Variants in PSMD2 observed in about 807,000 individuals in gnomAD.
PSMD2 encodes the protein proteasome 26S subunit ubiquitin receptor, non-ATPase 2.
PSMD2 carries 8 observed loss-of-function variants against 101.5 expected under a neutral mutation model. The ratio of observed to expected loss-of-function variants is 0.08; its 90% CI spans 0.05 to 0.14. The LOEUF (loss-of-function observed/expected upper bound fraction) is 0.14, where lower values mean the gene tolerates loss of function less well. PSMD2 is among the 10% of genes least tolerant of loss of function. The probability of loss-of-function intolerance (pLI) is 1.00; values close to 1 mark genes in which losing one functional copy is unlikely to be tolerated. For synonymous variants in PSMD2, 418 were observed against 433.8 expected (o/e 0.96, Z 0.45); for missense variants, 784 against 1,147.4 (o/e 0.68, Z 4.58).
At chr3:184,303,527 G>T in intron 9 of PSMD2, 61 bp downstream of exon 9, 1 of 1,606,040 alleles carries the variant, frequency 6.2e-7, no homozygotes, top group South Asian at 1.1e-5. Context: ...TGTCCTCTTG[G>T]AGTCATAAGT....
intron 9 of PSMD2, 48 bp from the exon 10 acceptor site, chr3:184,303,595 C>T (rs1577157709): frequency 3.1e-6 from 5 of 1,611,548 alleles, no homozygotes; most frequent in Non-Finnish European, 4.2e-6. Context: ...ATAACAGGAT[C>T]CTCAGGATAG....
intron 10 of PSMD2, 82 bp downstream of exon 10, chr3:184,303,831 G>A (rs1454684997): frequency 3.1e-6 from 5 of 1,600,872 alleles, no homozygotes; most frequent in South Asian, 1.1e-5. Flanking sequence ...TCACTGATGA[G>A]GTCTGCCCAG....
At chr3:184,302,896 C>G in intron 7 of PSMD2, 73 bp downstream of exon 7, 1 of 1,610,870 alleles carries the variant, frequency 6.2e-7, no homozygotes, top group South Asian at 1.1e-5. Flanking sequence ...CTGACTCTAC[C>G]TCTGACTAGA....
At position 184,308,898 on chromosome 3, in the gene PSMD2, C is replaced by G; in HGVS notation, c.*8C>G. 6.2e-7 allele frequency: 1 copy of G among 1,609,486 alleles called. No homozygotes were observed. Among genetic ancestry groups the G allele is most frequent in the South Asian group, 1.1e-5 (1 of 90,670 alleles). ...CCCAATTATGATCTCTAAGTGACCA[C>G]CAGGGGCTCTGAACTGCAGCTGATG... On this transcript the variant is annotated 3_prime_UTR_variant, in exon 21 of 21. Transcript: ENST00000310118. This position sits in a 1 kb window ranked among gnomAD's most constrained non-coding sequence, Gnocchi z 6.0.
chr3:184,299,706 C>A, intron 1 of PSMD2, 145 bp from the exon 2 acceptor site: 1 of 714,168 alleles, frequency 1.4e-6, no homozygotes, highest in Non-Finnish European at 2.4e-6. Flanking sequence ...GATTTCTCAC[C>A]AGGGCTTCCC....
Position 184,308,126 on chromosome 3 carries a change from C to G in PSMD2, c.2425+110C>G. On this transcript the variant is annotated intron_variant, in intron 19 of 20. Coordinates refer to ENST00000310118, the MANE Select transcript of PSMD2 (RefSeq NM_002808.5). The surrounding 1 kb of genome is among the most constrained non-coding windows in gnomAD (Gnocchi z 6.0). ...AAGACCCCAGTTTAGCTCTGTATCG[C>G]TCTAGGTTTCTGAGACAGGCTTTGG... is the stretch of plus-strand genomic sequence containing the variant. 7.2e-7 allele frequency: 1 copy of G among 1,384,458 alleles called. No individual in the cohort carries two copies. Among genetic ancestry groups the G allele is most frequent in the Non-Finnish European group, 9.7e-7 (1 of 1,025,884 alleles). The allele number at this position is 1,384,458 out of a possible 1,614,324, so 85.8% of individuals were successfully genotyped here. A position where few individuals can be genotyped will look rare whatever the true frequency, so the allele number is the denominator to read the frequency against.
chr3:184,302,760 G>C lies in PSMD2; in HGVS notation c.945G>C (p.Glu315Asp). Residue 315 changes from glutamate (E) to aspartate (D), a missense_variant, in exon 7 of 21, where the codon GAG becomes GAC. By Grantham distance (45) the Glu-to-Asp change is conservative. Around this residue, in one of 6 missense-constraint regions of PSMD2, gnomAD observed 208 missense variants for 301.6 expected, o/e 0.69. Transcript: ENST00000310118. ...LELSEDVEEY[E>D]DLTEIMSNVQ... Reference sequence around the variant, plus strand: ...TGAGTGAAGATGTCGAGGAGTATGAGGACCTGACAGAGATCATGTCCAATG... The same window carrying C: ...TGAGTGAAGATGTCGAGGAGTATGACGACCTGACAGAGATCATGTCCAATG... The C allele has an allele frequency of 6.2e-7, 1 of 1,614,126 alleles. No individual in the cohort carries two copies. The highest frequency in any genetic ancestry group is 2.2e-5 in the East Asian group (1 of 44,888).
rs183484724 is a variant in PSMD2 at position 184,301,405 on chromosome 3, A to G, written c.358-132A>G. ...TTTTGTGAGGTTTAGCTTACATAAC[A>G]TGTTAAATTTCTAGTACAGAGATTG... On this transcript the variant is annotated intron_variant, in intron 3 of 20. Coordinates refer to ENST00000310118, the MANE Select transcript of PSMD2 (RefSeq NM_002808.5). 1.2e-5 allele frequency: 14 copies of G among 1,190,676 alleles called. No homozygotes were observed. In the East Asian group the frequency reaches 3.1e-4, roughly 27 times the overall value. 73.8% of individuals were successfully genotyped at this position (1,190,676 alleles called of 1,614,324 possible). A position where few individuals can be genotyped will look rare whatever the true frequency, so the allele number is the denominator to read the frequency against.
At position 184,304,332 on chromosome 3, in the gene PSMD2, C is replaced by T; in HGVS notation, c.1480C>T (p.Arg494Cys). 1.2e-6 allele frequency: 2 copies of T among 1,614,186 alleles called. No homozygotes were observed. The highest frequency in any genetic ancestry group is 1.3e-5 in the African/African-American group (1 of 75,044). ...AGGCTTGGCTTATGCTGGCTCAAATCGTGAAGATGTCCTAACACTGCTGCT... is the reference window on the plus strand; with the variant it reads ...AGGCTTGGCTTATGCTGGCTCAAATTGTGAAGATGTCCTAACACTGCTGCT... ...GLGLAYAGSN[R>C]EDVLTLLLPV... The change falls in exon 12 of 21, where the codon CGT becomes TGT. Residue 494 changes from arginine (R) to cysteine (C), a missense_variant. Transcript: ENST00000310118. The surrounding 1 kb of genome is among the most constrained non-coding windows in gnomAD (Gnocchi z 4.1).
At position 184,300,640 on chromosome 3, in the gene PSMD2, A is replaced by G. The variant is rs888353313; in HGVS notation, c.357+196A>G. ...CTTCTCAGAAGACACTGTTTCTGTC[A>G]TGTGTATTGGACTTTGGGGTTTCAT... is the stretch of plus-strand genomic sequence containing the variant. On this transcript the variant is annotated intron_variant, in intron 3 of 20. Coordinates refer to ENST00000310118, the MANE Select transcript of PSMD2 (RefSeq NM_002808.5). 58 of 1,393,448 alleles carry G rather than the reference A, an allele frequency of 4.2e-5. 1 individual carries two copies. In the South Asian group the frequency reaches 5.4e-4, roughly 13 times the overall value. 86.3% of individuals were successfully genotyped at this position (1,393,448 alleles called of 1,614,324 possible).
Position 184,308,054 on chromosome 3 carries a change from G to A in PSMD2, c.2425+38G>A, listed in dbSNP as rs546883822. On this transcript the variant is annotated intron_variant, in intron 19 of 20. Coordinates refer to ENST00000310118, the MANE Select transcript of PSMD2 (RefSeq NM_002808.5). This position sits in a 1 kb window ranked among gnomAD's most constrained non-coding sequence, Gnocchi z 6.0. Reference sequence around the variant, plus strand: ...CAGAAATTTTATATCATAGCATGCAGGGCTCTGACTCCACCCTTTCCAGGG... The same window carrying A: ...CAGAAATTTTATATCATAGCATGCAAGGCTCTGACTCCACCCTTTCCAGGG... 13 of 1,610,790 alleles carry A rather than the reference G, an allele frequency of 8.1e-6. No individual in the cohort carries two copies. In the African/African-American group the frequency reaches 9.3e-5, roughly 12 times the overall value.
chr3:184,302,171 A>G (rs1721668041), intron 5 of PSMD2, 100 bp downstream of exon 5: 1 of 1,330,042 alleles, frequency 7.5e-7, no homozygotes, highest in African/African-American at 1.4e-5. Flanking sequence ...GCTCAAGCAT[A>G]GCATCACGCT....
Position 184,308,627 on chromosome 3 carries a change from A to G in PSMD2, c.2544+60A>G. 2.5e-6 allele frequency: 4 copies of G among 1,586,810 alleles called. No individual in the cohort carries two copies. Among genetic ancestry groups the G allele is most frequent in the Non-Finnish European group, 3.5e-6 (4 of 1,157,268 alleles). On this transcript the variant is annotated intron_variant, in intron 20 of 20. Coordinates refer to ENST00000310118, the MANE Select transcript of PSMD2 (RefSeq NM_002808.5). The surrounding 1 kb of genome is among the most constrained non-coding windows in gnomAD (Gnocchi z 6.0). ...TATTCTCAAACTGGAGAATGTACAT[A>G]TACTTGCTTTGCTGAAACTGGCGTG...
In PSMD2 at chr3:184,307,721, ACTC is replaced by A. The variant is rs1721881357; in HGVS notation, c.2298+18_2298+20del. 14 of 1,612,612 alleles carry A rather than the reference ACTC, an allele frequency of 8.7e-6. No homozygotes were observed. Among genetic ancestry groups the A allele is most frequent in the Non-Finnish European group, 1.2e-5 (14 of 1,178,762 alleles). On this transcript the variant is annotated intron_variant, in intron 18 of 20. Transcript: ENST00000310118. ...GCGCTTGGCACAGGTAAAGAATAGA[ACTC>A]CTCCACAGAGCGTGCCGGGGAAGTA... is the stretch of plus-strand genomic sequence containing the variant.
chr3:184,308,933 G>C lies in PSMD2; in HGVS notation c.*43G>C. 6.4e-7 allele frequency: 1 copy of C among 1,571,320 alleles called. No individual in the cohort carries two copies. Among genetic ancestry groups the C allele is most frequent in the South Asian group, 1.2e-5 (1 of 86,832 alleles). On this transcript the variant is annotated 3_prime_UTR_variant, in exon 21 of 21. Transcript: ENST00000310118. The surrounding 1 kb of genome is among the most constrained non-coding windows in gnomAD (Gnocchi z 6.0). ...TGAACTGCAGCTGATGTTATCAGCA[G>C]GCCATGCATCCTGCTGCCAAGGGTG...
Position 184,299,359 on chromosome 3 carries a change from G to C in PSMD2, c.93G>C (p.Lys31Asn). The C allele has an allele frequency of 7.1e-7, 1 of 1,410,642 alleles. No homozygotes were observed. 87.4% of individuals were successfully genotyped at this position (1,410,642 alleles called of 1,614,324 possible). A position where few individuals can be genotyped will look rare whatever the true frequency, so the allele number is the denominator to read the frequency against. ...PGGTDEKPSG[K>N]ERRDAGDKDK... ...GCACGGACGAGAAGCCGAGCGGCAAGGAGCGGCGGGATGCCGGGGACAAGG... is the reference window on the plus strand; with the variant it reads ...GCACGGACGAGAAGCCGAGCGGCAACGAGCGGCGGGATGCCGGGGACAAGG... The change falls in exon 1 of 21, where the codon AAG becomes AAC. Residue 31 changes from lysine (K) to asparagine (N), a missense_variant. Lys to Asn is a moderately conservative substitution (Grantham distance 94). Around this residue, in one of 6 missense-constraint regions of PSMD2, gnomAD observed 196 missense variants for 182.4 expected, o/e 1.07. Coordinates refer to ENST00000310118, the MANE Select transcript of PSMD2 (RefSeq NM_002808.5).
chr3:184,303,275 A>C (rs768324606), intron 8 of PSMD2, 45 bp from the exon 9 acceptor site: 13 of 1,595,256 alleles, frequency 8.1e-6, no homozygotes, highest in South Asian at 5.6e-5. Context: ...TTCCTGTCCT[A>C]CCTGAAACCT....
chr3:184,303,329 G>A lies in PSMD2; in HGVS notation c.1079G>A (p.Gly360Asp), dbSNP rs1721714231. Residue 360 changes from glycine (G) to aspartate (D), a missense_variant, in exon 9 of 21, where the codon GGC (glycine) becomes GAC (aspartate). Transcript: ENST00000310118. ...KTHLENNRFG[G>D]SGSQVDSARM... ...CTCCCTCCTGTTGCAGGGTTTGGGG[G>A]CAGTGGCTCTCAGGTGGACTCTGCC... 1.3e-5 allele frequency: 21 copies of A among 1,612,958 alleles called. No individual in the cohort carries two copies. The highest frequency in any genetic ancestry group is 1.8e-5 in the Non-Finnish European group (21 of 1,179,816).
At chr3:184,300,002 A>G in intron 2 of PSMD2, 95 bp downstream of exon 2, 1 of 1,152,788 alleles carries the variant, frequency 8.7e-7, no homozygotes, top group Non-Finnish European at 1.3e-6. Flanking sequence ...GGTGGACTGT[A>G]TTTTAGGGTC....
Sources: gnomAD v4.1 joint callset for allele counts on GRCh38, gnomAD v4.1.1 for gene constraint, gnomAD v4.1.1 regional missense constraint, Gnocchi (gnomAD v3.1) non-coding constraint, MANE v1.5 for transcripts, NCBI Gene and HGNC (gene_info 2026-07-23, HGNC 2026-07-21) for gene names.